Variants in BIN1 observed in about 807,000 individuals in gnomAD.
BIN1 encodes myc box-dependent-interacting protein 1.
BIN1 carries 53 observed loss-of-function variants against 82.0 expected under a neutral mutation model. The ratio of observed to expected loss-of-function variants is 0.65; its 90% CI spans 0.52 to 0.81. The LOEUF (loss-of-function observed/expected upper bound fraction) is 0.81. BIN1 is among the 40% of genes least tolerant of loss of function. The pLI, the probability that BIN1 is intolerant of heterozygous loss-of-function variation, is 0.00. For synonymous variants in BIN1, 302 were observed against 328.0 expected (o/e 0.92, Z 0.86); for missense variants, 642 against 784.4 (o/e 0.82, Z 2.17).
At position 127,082,051 on chromosome 2, in the gene BIN1, G is replaced by A. The variant is rs565684463; in HGVS notation, c.85-5345C>T. On this transcript the variant is annotated intron_variant, in intron 1 of 18. Transcript: ENST00000316724. This position sits in a 1 kb window ranked among gnomAD's most constrained non-coding sequence, Gnocchi z 6.1. ...GGGGGAAGGCCACTGTCAGACACCC[G>A]GCCAGGCTTTCTCTGGGCCCAGTCC... is the stretch of plus-strand genomic sequence containing the variant. Among the ~76,000 whole-genome samples the A allele has an allele frequency of 2.6e-3, 392 of 152,224 alleles. 1 individual carries two copies. Among genetic ancestry groups the A allele is most frequent in the Non-Finnish European group, 3.5e-3 (235 of 67,994 alleles).
chr2:127,052,608 A>C, intron 14 of BIN1: 1 of 548,698 alleles, frequency 1.8e-6, no homozygotes, highest in Non-Finnish European at 3.3e-6. Flanking sequence ...ACTTGTCAAA[A>C]TGGCCCTACC....
intron 2 of BIN1, among the ~76,000 whole-genome samples, chr2:127,074,696 G>GTTT (rs1311004637): frequency 6.9e-6 from 1 of 145,298 alleles, no homozygotes; most frequent in Non-Finnish European, 1.5e-5. Flanking sequence ...AGCTCAGCCT[G>GTTT]TTTTTTGTTT....
At chr2:127,087,530 C>G (rs1678337529) in intron 1 of BIN1, among the ~76,000 whole-genome samples, 1 of 152,216 alleles carries the variant, frequency 6.6e-6, no homozygotes, top group African/African-American at 2.4e-5. Flanking sequence ...GCAGAGCACA[C>G]AGCGTGAGTG....
At chr2:127,103,136 T>C (rs1218698191) in intron 1 of BIN1, among the ~76,000 whole-genome samples, 1 of 152,162 alleles carries the variant, frequency 6.6e-6, no homozygotes. Context: ...ACTGAGGGCC[T>C]GGGTGACTTG....
intron 1 of BIN1, among the ~76,000 whole-genome samples, chr2:127,098,189 C>T (rs1172570520): frequency 6.6e-6 from 1 of 152,232 alleles, no homozygotes; most frequent in Non-Finnish European, 1.5e-5. Context: ...GAAGTTGACC[C>T]ACAAAACAAG....
At chr2:127,070,448 G>T in intron 4 of BIN1, 105 bp downstream of exon 4, 1 of 1,395,790 alleles carries the variant, frequency 7.2e-7, no homozygotes, top group Non-Finnish European at 1.0e-6. Flanking sequence ...GCACGCGAAT[G>T]CCCGAGAACC....
chr2:127,096,260 C>A (rs1000439876), intron 1 of BIN1, among the ~76,000 whole-genome samples: 1 of 152,214 alleles, frequency 6.6e-6, no homozygotes, highest in Non-Finnish European at 1.5e-5. Context: ...CTTTTTCAGC[C>A]TCTACAGGTG....
intron 1 of BIN1, among the ~76,000 whole-genome samples, chr2:127,103,168 A>T (rs930386573): frequency 6.6e-6 from 1 of 152,128 alleles, no homozygotes; most frequent in Non-Finnish European, 1.5e-5. Flanking sequence ...GGGCCTGCCT[A>T]TGCCCCCATT....
At chr2:127,105,711 G>A (rs892309006) in intron 1 of BIN1, among the ~76,000 whole-genome samples, 29 of 152,300 alleles carry the variant, frequency 1.9e-4, no homozygotes, top group African/African-American at 6.0e-4. Flanking sequence ...GGAGCCCGCG[G>A]GTCTCAGAAG....
chr2:127,054,956 A>G (rs1683450079), intron 12 of BIN1: 1 of 152,266 alleles, frequency 6.6e-6, no homozygotes, highest in Admixed American at 6.5e-5. Context: ...CCTTCTGAGG[A>G]GCAGGGACTG....
chr2:127,063,918 C>T lies in BIN1; in HGVS notation c.698+15G>A, dbSNP rs535176915. On this transcript the variant is annotated intron_variant, in intron 8 of 18. Transcript: ENST00000316724. ...ACACTGCCCCACGCAGGCTGGGCAC[C>T]GTGCTGGGCCTCACCTGTTCCACAG... The T allele has an allele frequency of 8.4e-5, 135 of 1,612,870 alleles. 1 individual carries two copies. The South Asian group carries it at 1.1e-3, about 13-fold the overall frequency.
intron 1 of BIN1, among the ~76,000 whole-genome samples, chr2:127,092,334 A>T (rs1679044616): frequency 6.6e-6 from 1 of 152,206 alleles, no homozygotes; most frequent in Non-Finnish European, 1.5e-5. Flanking sequence ...GTCAGCACAC[A>T]GTGGGACAGA....
chr2:127,050,593 C>T (rs759738849), intron 17 of BIN1, 71 bp from the exon 18 acceptor site: 10 of 1,553,304 alleles, frequency 6.4e-6, no homozygotes, highest in African/African-American at 4.1e-5. Context: ...ACGGGCCTTG[C>T]GTGTGGGAGG....
intron 12 of BIN1, 140 bp from the exon 13 acceptor site, chr2:127,054,152 T>A: frequency 1.4e-6 from 1 of 719,440 alleles, no homozygotes; most frequent in Non-Finnish European, 2.5e-6. Context: ...CAAGCGCACA[T>A]ACACGCACAC....
chr2:127,070,084 C>A lies in BIN1; in HGVS notation c.322G>T (p.Asp108Tyr). The A allele has an allele frequency of 1.2e-6, 2 of 1,613,824 alleles. No homozygotes were observed. Among genetic ancestry groups the A allele is most frequent in the South Asian group, 2.2e-5 (2 of 91,008 alleles). The change falls in exon 5 of 19, where the codon GAC (aspartate) becomes TAC (tyrosine). Residue 108 changes from aspartate to tyrosine, a missense_variant. Asp to Tyr is a radical substitution (Grantham distance 160, BLOSUM62 -3). Transcript: ENST00000316724. The part of the protein sequence containing the change: ...DEANKIAENN[D>Y]LLWMDYHQKL... ...TGGTGGTAATCCATCCACAGCAGGT[C>A]GTTGTTCTGAGACAGGCAAGAGCAC...
chr2:127,104,896 G>T (rs11679418), intron 1 of BIN1, among the ~76,000 whole-genome samples: 2 of 152,128 alleles, frequency 1.3e-5, no homozygotes, highest in African/African-American at 4.8e-5. Flanking sequence ...TTTCTGATGG[G>T]GGGAGGGTCC....
rs538374096 is a variant in BIN1 at position 127,093,583 on chromosome 2, C to T, written c.84+13277G>A. On this transcript the variant is annotated intron_variant, in intron 1 of 18. Transcript: ENST00000316724. The surrounding 1 kb of genome is among the most constrained non-coding windows in gnomAD (Gnocchi z 5.7). ...ATCACCATTAGGTCACACCCGTTGT[C>T]CCATCATATGTCTACACGGCTGTCC... 8.5e-5 allele frequency among the ~76,000 whole-genome samples: 13 copies of T among 152,328 alleles called. No homozygotes were observed. Among genetic ancestry groups the T allele is most frequent in the Non-Finnish European group, 1.8e-4 (12 of 68,040 alleles).
chr2:127,069,910 G>A (rs564381102), intron 5 of BIN1, 85 bp downstream of exon 5: 3 of 1,429,846 alleles, frequency 2.1e-6, no homozygotes, highest in Admixed American at 3.7e-5. Context: ...GCCTCCTCCT[G>A]GCCTGAGCCG....
At chr2:127,069,731 A>AACACACACACACACACACACACAC (rs3832046) in intron 5 of BIN1, among the ~76,000 whole-genome samples, 2 of 147,586 alleles carry the variant, frequency 1.4e-5, no homozygotes, top group African/African-American at 5.0e-5. Context: ...ACTCCGCAGC[A>AACACACACACACACACACACACAC]ACACACACAC....
Sources: gnomAD v4.1 joint callset for allele counts (sites outside exome capture counted in the v4.1 genomes callset) on GRCh38, gnomAD v4.1.1 for gene constraint, Gnocchi (gnomAD v3.1) non-coding constraint, MANE v1.5 for transcripts, NCBI Gene and HGNC (gene_info 2026-07-23, HGNC 2026-07-21) for gene names.